Variants in ARFGEF3 observed in about 807,000 individuals in gnomAD.
ARFGEF3 encodes the protein brefeldin A-inhibited guanine nucleotide-exchange protein 3.
ARFGEF3 carries 96 observed loss-of-function variants against 221.7 expected under a neutral mutation model. That is an observed-to-expected ratio of 0.43 (90% CI 0.37 to 0.51). ARFGEF3 has a LOEUF of 0.51. Ranked by LOEUF, ARFGEF3 falls within the 20% of genes least tolerant of loss-of-function variation. The pLI, the probability that ARFGEF3 is intolerant of heterozygous loss-of-function variation, is 0.00. For missense variants in ARFGEF3, 2,410 were observed against 2,789.9 expected (o/e 0.86, Z 3.07); for synonymous variants, 1,145 against 1,126.8 (o/e 1.02, Z -0.32).
At chr6:138,183,364 T>G (rs1777118579) in intron 2 of ARFGEF3, among the ~76,000 whole-genome samples, 1 of 152,138 alleles carries the variant, frequency 6.6e-6, no homozygotes, top group African/African-American at 2.4e-5. Flanking sequence ...AACAGGAGGA[T>G]TTGATTAAGA....
chr6:138,306,279 A>C (rs1222741974), intron 22 of ARFGEF3, among the ~76,000 whole-genome samples: 1 of 152,186 alleles, frequency 6.6e-6, no homozygotes, highest in African/African-American at 2.4e-5. Context: ...ACCTGTACAC[A>C]AAAGCTACAA....
chr6:138,236,776 C>A (rs1385287963), intron 5 of ARFGEF3, among the ~76,000 whole-genome samples: 3 of 152,196 alleles, frequency 2.0e-5, no homozygotes, highest in Non-Finnish European at 4.4e-5. Context: ...GCCTAAAACA[C>A]CTTTTCTTTT....
chr6:138,301,634 T>C (rs764125117), intron 22 of ARFGEF3, among the ~76,000 whole-genome samples: 2 of 152,208 alleles, frequency 1.3e-5, no homozygotes, highest in South Asian at 2.1e-4. Context: ...AGGGACCAGA[T>C]AGTCTGTTCA....
Position 138,248,452 on chromosome 6 carries a change from T to C in ARFGEF3, c.665+2861T>C, listed in dbSNP as rs370432692. On this transcript the variant is annotated intron_variant, in intron 8 of 33. Transcript: ENST00000251691. ...AAGACCACCAGAACTACAAAAAATA[T>C]AAAGACTGCATTTGTTACTTCACAA... Among the ~76,000 whole-genome samples the C allele has an allele frequency of 3.5e-4, 53 of 152,302 alleles. 1 individual carries two copies. In the South Asian group the frequency reaches 9.5e-3, roughly 27 times the overall value.
intron 2 of ARFGEF3, among the ~76,000 whole-genome samples, chr6:138,197,120 G>A (rs1157299520): frequency 6.6e-6 from 1 of 152,260 alleles, no homozygotes; most frequent in South Asian, 2.1e-4. Flanking sequence ...GGCATGAGCC[G>A]CCATGCCCGG....
At chr6:138,255,868 G>A (rs983459404) in intron 10 of ARFGEF3, 99 bp downstream of exon 10, 19 of 1,014,124 alleles carry the variant, frequency 1.9e-5, no homozygotes, top group East Asian at 1.3e-4. Context: ...ATCACTTGCC[G>A]GAACTTCATT....
At chr6:138,282,253 C>T (rs1310628032) in intron 14 of ARFGEF3, among the ~76,000 whole-genome samples, 1 of 152,100 alleles carries the variant, frequency 6.6e-6, no homozygotes, top group African/African-American at 2.4e-5. Flanking sequence ...CCGCACCCAC[C>T]CTCCCCAGAC....
At chr6:138,298,483 T>A in intron 21 of ARFGEF3, 123 bp from the exon 22 acceptor site, 1 of 705,502 alleles carries the variant, frequency 1.4e-6, no homozygotes, top group Non-Finnish European at 2.3e-6. Context: ...CCTTAGAATG[T>A]TTTGATTTTA....
rs1260525973 is a variant in ARFGEF3 at position 138,321,174 on chromosome 6, G to C, written c.4715G>C (p.Cys1572Ser). Residue 1572 changes from cysteine to serine, a missense_variant, in exon 29 of 34, where the codon TGT becomes TCT. Transcript: ENST00000251691. ...LKDLFELLVA[C>S]VAKPTETISR... ...GACCTCTTTGAGTTGCTGGTCGCCT[G>C]TGTGGCCAAGCCCACTGAAACCATC... is the stretch of plus-strand genomic sequence containing the variant. 6.4e-7 allele frequency: 1 copy of C among 1,563,618 alleles called. No homozygotes were observed. The highest frequency in any genetic ancestry group is 1.4e-5 in the African/African-American group (1 of 73,738).
At chr6:138,175,704 A>G (rs1244118469) in intron 2 of ARFGEF3, among the ~76,000 whole-genome samples, 1 of 152,242 alleles carries the variant, frequency 6.6e-6, no homozygotes, top group Admixed American at 6.5e-5. Flanking sequence ...GATCAAGAAC[A>G]ATTAGAATAT....
At chr6:138,183,902 G>A (rs556570136) in intron 2 of ARFGEF3, among the ~76,000 whole-genome samples, 138 of 152,294 alleles carry the variant, frequency 9.1e-4, no homozygotes, top group African/African-American at 3.2e-3. Flanking sequence ...CCCTGTGAGT[G>A]CTCAGCATGT....
At chr6:138,185,556 T>C (rs888250753) in intron 2 of ARFGEF3, among the ~76,000 whole-genome samples, 1 of 152,152 alleles carries the variant, frequency 6.6e-6, no homozygotes, top group African/African-American at 2.4e-5. Flanking sequence ...TTTTGACCAT[T>C]TTGTTGTCCT....
rs759205117 is a variant in ARFGEF3 at position 138,323,738 on chromosome 6, C to A, written c.4834C>A (p.Gln1612Lys). 1 of 1,614,000 alleles carries A rather than the reference C, an allele frequency of 6.2e-7. No individual in the cohort carries two copies. The highest frequency in any genetic ancestry group is 8.5e-7 in the Non-Finnish European group (1 of 1,179,868). ...GTGGAGGCTTGCCTGCTGTGCCCTG[C>A]AAGATGCGTTCTCTGCCACACTCAA... ...EMWRLACCAL[Q>K]DAFSATLKPV... The change falls in exon 30 of 34, where the codon CAA becomes AAA. Residue 1612 changes from glutamine (Q) to lysine (K), a missense_variant. By Grantham distance (53) the Gln-to-Lys change is moderately conservative. Around this residue, in one of 5 missense-constraint regions of ARFGEF3, gnomAD observed 723 missense variants for 991.9 expected, o/e 0.73. Transcript: ENST00000251691.
At chr6:138,312,985 C>G (rs1243893797) in intron 25 of ARFGEF3, among the ~76,000 whole-genome samples, 2 of 152,174 alleles carry the variant, frequency 1.3e-5, no homozygotes, top group Non-Finnish European at 2.9e-5. Context: ...GCTAGGATGA[C>G]AGGCATAACC....
chr6:138,280,273 A>G, intron 14 of ARFGEF3, 109 bp downstream of exon 14: 2 of 1,061,618 alleles, frequency 1.9e-6, no homozygotes, highest in Non-Finnish European at 2.7e-6. Context: ...TTGAAACAGC[A>G]CCCACAAAGC....
chr6:138,240,902 G>C (rs1353604984), intron 6 of ARFGEF3, among the ~76,000 whole-genome samples: 1 of 152,114 alleles, frequency 6.6e-6, no homozygotes, highest in African/African-American at 2.4e-5. Flanking sequence ...CATTACCTGG[G>C]GAAGATGCGT....
chr6:138,241,190 C>T (rs1778389045), intron 6 of ARFGEF3, among the ~76,000 whole-genome samples: 1 of 152,136 alleles, frequency 6.6e-6, no homozygotes, highest in African/African-American at 2.4e-5. Context: ...ACTTTAGATC[C>T]GCAATCTAGG....
chr6:138,245,011 A>G (rs1004741121), intron 7 of ARFGEF3, among the ~76,000 whole-genome samples: 1 of 152,224 alleles, frequency 6.6e-6, no homozygotes, highest in Non-Finnish European at 1.5e-5. Flanking sequence ...TTTAGAAAGA[A>G]TAATTATAAG....
At position 138,336,984 on chromosome 6, in the gene ARFGEF3, G is replaced by GACAACTATAAATACATATTC. The variant is rs1780338501; in HGVS notation, c.*499_*518dup. Reference sequence around the variant, plus strand: ...TGGTTATGGGTCTGGCTGGGAAGAAGACAACTATAAATACATATTCTTGGG... The same window carrying GACAACTATAAATACATATTC: ...TGGTTATGGGTCTGGCTGGGAAGAAGACAACTATAAATACATATTCACAACTATAAATACATATTCTTGGG... On this transcript the variant is annotated 3_prime_UTR_variant, in exon 34 of 34. Coordinates refer to ENST00000251691, the MANE Select transcript of ARFGEF3 (RefSeq NM_020340.5). 6.6e-6 allele frequency: 1 copy of GACAACTATAAATACATATTC among 152,608 alleles called. No individual in the cohort carries two copies. Among genetic ancestry groups the GACAACTATAAATACATATTC allele is most frequent in the Non-Finnish European group, 1.5e-5 (1 of 68,050 alleles). The allele number at this position is 152,608 out of a possible 1,614,324, so 9.5% of individuals were successfully genotyped here. A position where few individuals can be genotyped will look rare whatever the true frequency, so the allele number is the denominator to read the frequency against.
Sources: allele counts gnomAD v4.1 joint callset (sites outside exome capture counted in the v4.1 genomes callset), GRCh38; gene constraint gnomAD v4.1.1; regional missense constraint gnomAD v4.1.1; transcripts MANE v1.5; gene names NCBI Gene and HGNC (gene_info 2026-07-23, HGNC 2026-07-21).